The following FAM171A1 variants were observed in gnomAD, a reference collection of about 807,000 sequenced individuals.
FAM171A1 encodes the protein family with sequence similarity 171 member A1, also known as protein FAM171A1.
In FAM171A1, 23 loss-of-function variants were observed where a neutral mutation model predicts 74.9. The ratio of observed to expected loss-of-function variants is 0.31; its 90% CI spans 0.22 to 0.44. FAM171A1 has a LOEUF of 0.44. FAM171A1 is among the 20% of genes least tolerant of loss of function. FAM171A1 has a pLI of 1.00. For missense variants in FAM171A1, 1,162 were observed against 1,159.2 expected (o/e 1.00, Z -0.03); for synonymous variants, 527 against 505.7 (o/e 1.04, Z -0.57).
intron 1 of FAM171A1, among the ~76,000 whole-genome samples, chr10:15,334,914 G>A (rs1157249853): frequency 6.6e-6 from 1 of 152,170 alleles, no homozygotes; most frequent in Non-Finnish European, 1.5e-5. Context: ...TGCCTTCCAA[G>A]TTGCAACAGA....
rs147034971 is a variant in FAM171A1 at position 15,355,427 on chromosome 10, T to G, written c.97+15529A>C. Reference sequence around the variant, plus strand: ...GCACCTTCCAAACGGCAAATGTACTTGGGTTTCCTTCCAGGCATGGTGGTT... The same window carrying G: ...GCACCTTCCAAACGGCAAATGTACTGGGGTTTCCTTCCAGGCATGGTGGTT... On this transcript the variant is annotated intron_variant, in intron 1 of 7. Transcript: ENST00000378116. Among the ~76,000 whole-genome samples the G allele has an allele frequency of 7.0e-3, 1,065 of 152,246 alleles. 10 individuals are homozygous for G. Among genetic ancestry groups the G allele is most frequent in the African/African-American group, 0.024 (984 of 41,560 alleles).
intron 1 of FAM171A1, among the ~76,000 whole-genome samples, chr10:15,354,914 T>C (rs971210305): frequency 1.5e-4 from 23 of 152,242 alleles, no homozygotes; most frequent in African/African-American, 5.3e-4. Context: ...CATCTCCTGT[T>C]ATGCTCAATG....
chr10:15,278,631 G>A (rs1414264316), intron 2 of FAM171A1, among the ~76,000 whole-genome samples: 2 of 152,176 alleles, frequency 1.3e-5, no homozygotes, highest in African/African-American at 2.4e-5. Flanking sequence ...ACATCAGGCT[G>A]AGCGAAAGAC....
chr10:15,227,393 T>C (rs1166313704), intron 5 of FAM171A1, among the ~76,000 whole-genome samples: 1 of 152,182 alleles, frequency 6.6e-6, no homozygotes, highest in East Asian at 1.9e-4. Context: ...TTTTCTTTTT[T>C]GTTCTTTTGA....
chr10:15,345,389 T>A (rs1194544844), intron 1 of FAM171A1, among the ~76,000 whole-genome samples: 2 of 152,142 alleles, frequency 1.3e-5, no homozygotes, highest in African/African-American at 4.8e-5. Flanking sequence ...ATAGCAAAGC[T>A]AAGCACACAG....
chr10:15,319,892 G>A (rs1835466744), intron 1 of FAM171A1, among the ~76,000 whole-genome samples: 1 of 152,158 alleles, frequency 6.6e-6, no homozygotes, highest in African/African-American at 2.4e-5. Context: ...CTTTTAATGA[G>A]AACATCAGGT....
upstream of FAM171A1, among the ~76,000 whole-genome samples, chr10:15,372,178 A>G (rs1836157508): frequency 6.6e-6 from 1 of 152,176 alleles, no homozygotes; most frequent in Non-Finnish European, 1.5e-5. Flanking sequence ...GCCTAGAAGA[A>G]GGTTCCGGAG....
At chr10:15,306,656 G>A (rs1434970454) in intron 1 of FAM171A1, among the ~76,000 whole-genome samples, 1 of 152,208 alleles carries the variant, frequency 6.6e-6, no homozygotes. Context: ...GTGAGCCACT[G>A]AGCCTGGCAT....
chr10:15,222,367 C>T (rs1211757749), intron 5 of FAM171A1, among the ~76,000 whole-genome samples: 2 of 152,194 alleles, frequency 1.3e-5, no homozygotes, highest in African/African-American at 4.8e-5. Flanking sequence ...CTCCTACACA[C>T]CTGGGCCACA....
intron 5 of FAM171A1, among the ~76,000 whole-genome samples, chr10:15,226,979 C>T (rs769221586): frequency 6.6e-6 from 1 of 152,128 alleles, no homozygotes; most frequent in Non-Finnish European, 1.5e-5. Context: ...GACAGGAGGA[C>T]AAAATCAGAT....
Position 15,276,067 on chromosome 10 carries a change from A to C in FAM171A1, c.326-120T>G, listed in dbSNP as rs892956512. 46 of 624,224 alleles carry C rather than the reference A, an allele frequency of 7.4e-5. No homozygotes were observed. In the East Asian group the frequency reaches 1.3e-3, roughly 17 times the overall value. The allele number at this position is 624,224 out of a possible 1,614,324, so 38.7% of individuals were successfully genotyped here. On this transcript the variant is annotated intron_variant, in intron 2 of 7. Transcript: ENST00000378116. ...TGATTTCAAATCAATTAATACAATT[A>C]ATTTTTAGTTAGATTAGCAAAAGAC...
At chr10:15,253,190 C>T (rs534300487) in intron 4 of FAM171A1, among the ~76,000 whole-genome samples, 135 of 151,994 alleles carry the variant, frequency 8.9e-4, no homozygotes, top group South Asian at 1.7e-3. Flanking sequence ...TTTTAGTAGA[C>T]GCAGCATTTC....
chr10:15,259,475 A>G (rs1834628522), intron 3 of FAM171A1, among the ~76,000 whole-genome samples: 1 of 152,154 alleles, frequency 6.6e-6, no homozygotes. Context: ...AAATGAATAG[A>G]CCAATATAGA....
intron 1 of FAM171A1, among the ~76,000 whole-genome samples, chr10:15,299,001 A>T (rs921739143): frequency 5.3e-5 from 8 of 152,004 alleles, no homozygotes; most frequent in African/African-American, 1.9e-4. Context: ...GCTCACTGCA[A>T]CCTCTACCTC....
At chr10:15,343,986 G>C (rs1374516455) in intron 1 of FAM171A1, among the ~76,000 whole-genome samples, 1 of 152,156 alleles carries the variant, frequency 6.6e-6, no homozygotes, top group Non-Finnish European at 1.5e-5. Context: ...TTAAAGATCA[G>C]ACAACTTCCA....
At chr10:15,226,237 G>A (rs79930946) in intron 5 of FAM171A1, among the ~76,000 whole-genome samples, 5,690 of 152,242 alleles carry the variant, frequency 0.037, 149 homozygotes, top group African/African-American at 0.075. Flanking sequence ...ATTTTAGGAG[G>A]TGGCTGGACA....
chr10:15,366,642 G>C (rs1836065715), intron 1 of FAM171A1, among the ~76,000 whole-genome samples: 1 of 152,116 alleles, frequency 6.6e-6, no homozygotes, highest in Non-Finnish European at 1.5e-5. Context: ...AAGTACACAA[G>C]GTATTTGTCA....
intron 4 of FAM171A1, among the ~76,000 whole-genome samples, chr10:15,252,549 C>A (rs2138929): frequency 0.38 from 58,179 of 151,914 alleles, 11,505 homozygotes; most frequent in Non-Finnish European, 0.44. Context: ...TGCAAACTGA[C>A]CCCAGGGGCC....
chr10:15,233,669 C>T (rs1020339139), intron 5 of FAM171A1, among the ~76,000 whole-genome samples: 1 of 151,764 alleles, frequency 6.6e-6, no homozygotes, highest in Non-Finnish European at 1.5e-5. Context: ...TTTGGGAGGC[C>T]GAGGTGGGTG....
Sources: gnomAD v4.1 joint callset for allele counts (sites outside exome capture counted in the v4.1 genomes callset) on GRCh38, gnomAD v4.1.1 for gene constraint, MANE v1.5 for transcripts, NCBI Gene and HGNC (gene_info 2026-07-23, HGNC 2026-07-21) for gene names.